Variants in SYT10 observed in about 807,000 individuals in gnomAD.
SYT10 encodes the protein synaptotagmin 10, also known as synaptotagmin-10.
A neutral mutation model predicts 51.1 loss-of-function variants in SYT10; 31 were observed. The ratio of observed to expected loss-of-function variants is 0.61; its 90% confidence interval spans 0.46 to 0.82. The LOEUF (loss-of-function observed/expected upper bound fraction) is 0.82. Among genes scored for constraint, SYT10 ranks in the 40% least tolerant of loss-of-function variants. The pLI is 0.00. For synonymous variants in SYT10, 233 were observed against 225.9 expected (o/e 1.03, Z -0.28); for missense variants, 603 against 634.0 (o/e 0.95, Z 0.53).
Position 33,376,264 on chromosome 12 carries a change from T to G in SYT10, c.*566A>C, listed in dbSNP as rs1866061057. On this transcript the variant is annotated 3_prime_UTR_variant, in exon 7 of 7. Transcript: ENST00000228567. ...AAGAACAAGCTTGAGAGACAAGTTT[T>G]GAGTTTAGCAGAGCCAAACCTCACC... 1 of 152,222 alleles carries G rather than the reference T, an allele frequency of 6.6e-6. No individual in the cohort carries two copies. The highest frequency in any genetic ancestry group is 2.4e-5 in the African/African-American group (1 of 41,462). 9.4% of individuals were successfully genotyped at this position (152,222 alleles called of 1,614,324 possible).
At chr12:33,422,099 A>G (rs1026503693) in intron 2 of SYT10, among the ~76,000 whole-genome samples, 17 of 150,124 alleles carry the variant, frequency 1.1e-4, no homozygotes, top group African/African-American at 4.2e-4. Flanking sequence ...TAAAAAAAAA[A>G]ACTTAAAAAA....
At chr12:33,381,865 T>C (rs1866118073) in intron 5 of SYT10, among the ~76,000 whole-genome samples, 1 of 152,200 alleles carries the variant, frequency 6.6e-6, no homozygotes, top group African/African-American at 2.4e-5. Flanking sequence ...TGACTACTTA[T>C]TCACTTTCCA....
At chr12:33,396,441 A>C (rs1336240669) in intron 3 of SYT10, among the ~76,000 whole-genome samples, 4 of 152,214 alleles carry the variant, frequency 2.6e-5, no homozygotes, top group Non-Finnish European at 5.9e-5. Flanking sequence ...TGTTAATAAA[A>C]GAGTAATTTA....
chr12:33,385,968 C>T (rs1166988560), intron 3 of SYT10, among the ~76,000 whole-genome samples: 1 of 152,060 alleles, frequency 6.6e-6, no homozygotes, highest in African/African-American at 2.4e-5. Flanking sequence ...TCCTGGTGTG[C>T]CTGGGACATT....
chr12:33,386,025 G>A lies in SYT10; in HGVS notation c.1078-734C>T, dbSNP rs149757364. Among the ~76,000 whole-genome samples, 407 of 152,016 alleles carry A rather than the reference G, an allele frequency of 2.7e-3. 1 individual carries two copies. Among genetic ancestry groups the A allele is most frequent in the Non-Finnish European group, 4.3e-3 (290 of 67,954 alleles). On this transcript the variant is annotated intron_variant, in intron 3 of 6. Coordinates refer to ENST00000228567, the MANE Select transcript of SYT10 (RefSeq NM_198992.4). ...TGGTGTAATTATTAAAAACATCCCC[G>A]TCCACATTTGTTTTTTGAAACAGAG...
At chr12:33,423,848 T>C (rs748262819) in intron 2 of SYT10, 25 of 425,498 alleles carry the variant, frequency 5.9e-5, no homozygotes, top group Non-Finnish European at 1.1e-4. Context: ...TTCAGGCAAA[T>C]TTTTAAATCT....
At chr12:33,382,667 A>T in intron 4 of SYT10, 147 bp from the exon 5 acceptor site, 1 of 694,764 alleles carries the variant, frequency 1.4e-6, no homozygotes, top group Non-Finnish European at 2.1e-6. Context: ...TTGTCTCCAA[A>T]AAAAAGAGTA....
At chr12:33,378,360 T>C (rs10844568) in intron 6 of SYT10, among the ~76,000 whole-genome samples, 32,283 of 152,184 alleles carry the variant, frequency 0.21, 3,693 homozygotes, top group South Asian at 0.29. Flanking sequence ...ATAATTAATA[T>C]GCCTTGGGTC....
Position 33,436,885 on chromosome 12 carries a change from T to C in SYT10, c.151+2487A>G, listed in dbSNP as rs566357178. 3.3e-5 allele frequency among the ~76,000 whole-genome samples: 5 copies of C among 152,322 alleles called. 1 individual carries two copies. Among genetic ancestry groups the C allele is most frequent in the Admixed American group, 3.3e-4 (5 of 15,306 alleles). On this transcript the variant is annotated intron_variant, in intron 1 of 6. Coordinates refer to ENST00000228567, the MANE Select transcript of SYT10 (RefSeq NM_198992.4). ...ATAAGCACTGTGCCATTCAACATTG[T>C]TGATGTCTTCCTACCAAAAATGGCC...
rs900660571 is a variant in SYT10, at chr12:33,380,917, T to C, written c.1371-956A>G. 4.3e-4 allele frequency among the ~76,000 whole-genome samples: 66 copies of C among 152,208 alleles called. 1 individual carries two copies. Among genetic ancestry groups the C allele is most frequent in the South Asian group, 2.1e-4 (1 of 4,836 alleles). ...TTAGAACAATTTCATTACTTTTTTTTCCATCATTGATGTAGATATGTATAT... is the reference window on the plus strand; with the variant it reads ...TTAGAACAATTTCATTACTTTTTTTCCCATCATTGATGTAGATATGTATAT... On this transcript the variant is annotated intron_variant, in intron 5 of 6. Coordinates refer to ENST00000228567, the MANE Select transcript of SYT10 (RefSeq NM_198992.4).
At chr12:33,400,848 A>C (rs1866297498) in intron 3 of SYT10, among the ~76,000 whole-genome samples, 1 of 152,126 alleles carries the variant, frequency 6.6e-6, no homozygotes, top group Admixed American at 6.5e-5. Context: ...CAACACGGTG[A>C]AACCCCATCT....
intron 3 of SYT10, chr12:33,405,099 A>G (rs1866341394): frequency 1.3e-5 from 2 of 152,272 alleles, no homozygotes; most frequent in Admixed American, 6.5e-5. Context: ...CTGAGCCTGA[A>G]TATATGTACA....
intron 6 of SYT10, among the ~76,000 whole-genome samples, 172 bp from the exon 7 acceptor site, chr12:33,377,073 G>T (rs1866069317): frequency 6.6e-6 from 1 of 152,086 alleles, no homozygotes; most frequent in South Asian, 2.1e-4. Flanking sequence ...TACCATGAAG[G>T]GACATGGATG....
At chr12:33,410,412 C>G (rs539841167) in intron 2 of SYT10, among the ~76,000 whole-genome samples, 2 of 152,348 alleles carry the variant, frequency 1.3e-5, no homozygotes, top group Middle Eastern at 3.4e-3. Flanking sequence ...CAACCTCTCT[C>G]TATGGTCCCC....
chr12:33,407,288 G>A lies in SYT10; in HGVS notation c.578C>T (p.Thr193Ile), dbSNP rs765857639. The A allele has an allele frequency of 1.2e-6, 2 of 1,612,508 alleles. No individual in the cohort carries two copies. Among genetic ancestry groups the A allele is most frequent in the African/African-American group, 1.3e-5 (1 of 75,030 alleles). The change falls in exon 3 of 7, where the codon ACA (threonine) becomes ATA (isoleucine). Residue 193 changes from threonine (T) to isoleucine (I), a missense_variant. By Grantham distance (89) the Thr-to-Ile change is moderately conservative. Coordinates refer to ENST00000228567, the MANE Select transcript of SYT10 (RefSeq NM_198992.4). The stretch of plus-strand genomic sequence containing the variant: ...TTCTCCTCGTTGTAAAACAGGTTCT[G>A]TGCCCATGCTAAAATCAACACTGGA... ...QVSSVDFSMG[T>I]EPVLQRGETT...
At chr12:33,413,403 G>A (rs945597499) in intron 2 of SYT10, among the ~76,000 whole-genome samples, 4 of 152,120 alleles carry the variant, frequency 2.6e-5, no homozygotes, top group African/African-American at 4.8e-5. Context: ...AAGTTGAAAT[G>A]AAGGAAAAAA....
intron 2 of SYT10, among the ~76,000 whole-genome samples, chr12:33,411,438 T>G (rs573570722): frequency 6.6e-6 from 1 of 152,120 alleles, no homozygotes; most frequent in African/African-American, 2.4e-5. Context: ...GATCAGACCA[T>G]TGTGTACAAA....
rs200421519 is a variant in SYT10, at chr12:33,376,853, G to C, written c.1549C>G (p.Pro517Ala). 3.3e-4 allele frequency: 540 copies of C among 1,614,092 alleles called. 2 individuals carry two copies. The highest frequency in any genetic ancestry group is 1.6e-3 in the Admixed American group (98 of 60,010). Residue 517 changes from proline (P) to alanine (A), a missense_variant, in exon 7 of 7, where the codon CCT becomes GCT. Transcript: ENST00000228567. ...SFDSQGSCPS[P>A]KPPSTP ...CATTATGGTGTGGAAGGTGGTTTAG[G>C]AGAAGGGCAGGATCCTTGACTATCA...
intron 3 of SYT10, among the ~76,000 whole-genome samples, chr12:33,401,733 A>G (rs908295802): frequency 2.0e-5 from 3 of 152,202 alleles, no homozygotes; most frequent in African/African-American, 7.2e-5. Context: ...TTTGTAATCA[A>G]TAGGGTACAA....
Sources: allele counts gnomAD v4.1 joint callset (sites outside exome capture counted in the v4.1 genomes callset), GRCh38; gene constraint gnomAD v4.1.1; transcripts MANE v1.5; gene names NCBI Gene and HGNC (gene_info 2026-07-23, HGNC 2026-07-21).